LONP1: variants seen among roughly 807,000 people sequenced by gnomAD.
LONP1 encodes lon peptidase 1, mitochondrial.
LONP1 carries 31 observed loss-of-function variants against 98.5 expected under a neutral mutation model. That is an observed-to-expected ratio of 0.31 (90% CI 0.24 to 0.42). The LOEUF (loss-of-function observed/expected upper bound fraction) is 0.42. Among genes scored for constraint, LONP1 ranks in the 20% least tolerant of loss-of-function variants. The pLI, the probability that LONP1 is intolerant of heterozygous loss-of-function variation, is 1.00. For missense variants in LONP1, 1,336 were observed against 1,350.6 expected, an observed-to-expected ratio of 0.99 and a Z score of 0.17; for synonymous variants, 781 against 594.7, an observed-to-expected ratio of 1.31 and a Z score of -4.56.
chr19:5,696,903 C>T (rs897323034), intron 10 of LONP1, 146 bp from the exon 11 acceptor site: 35 of 613,418 alleles, frequency 5.7e-5, no homozygotes, highest in Non-Finnish European at 8.9e-5. Context: ...TGCTGGCAGC[C>T]GCCGGATGTG....
chr19:5,719,415 G>A (rs1183782579), intron 1 of LONP1, among the ~76,000 whole-genome samples: 1 of 152,174 alleles, frequency 6.6e-6, no homozygotes, highest in Non-Finnish European at 1.5e-5. Flanking sequence ...ACACTACTCA[G>A]GTCCCTCCCG....
intron 6 of LONP1, 21 bp downstream of exon 6, chr19:5,707,676 G>A: frequency 6.3e-7 from 1 of 1,599,446 alleles, no homozygotes; most frequent in Non-Finnish European, 8.5e-7. Context: ...GTGGGGGGCT[G>A]TGGAGGTGAC....
chr19:5,694,587 G>A (rs745757241), intron 14 of LONP1, 35 bp from the exon 15 acceptor site: 18 of 1,570,042 alleles, frequency 1.1e-5, no homozygotes, highest in Non-Finnish European at 1.4e-5. Flanking sequence ...GGCACGGGAA[G>A]GTGGGGTGAC....
Position 5,700,702 on chromosome 19 carries a change from C to T in LONP1, c.1506+87G>A, listed in dbSNP as rs925764156. The T allele has an allele frequency of 3.9e-6, 6 of 1,548,744 alleles. No individual in the cohort carries two copies. In the Admixed American group the frequency reaches 7.2e-5, roughly 19 times the overall value. ...AGGCCTACGAATTCACCAGGGGGCT[C>T]CTTTGAAATCTCAACCCACAGCACA... On this transcript the variant is annotated intron_variant, in intron 9 of 17. Coordinates refer to ENST00000360614, the MANE Select transcript of LONP1 (RefSeq NM_004793.4).
Position 5,711,132 on chromosome 19 carries a change from C to T in LONP1, c.870+639G>A, listed in dbSNP as rs1003602645. The stretch of plus-strand genomic sequence containing the variant: ...TGTGGACAGGACTTTCCACCCCTGC[C>T]AGCGCCCACAGCAGACATCACCAGT... On this transcript the variant is annotated intron_variant, in intron 4 of 17. Transcript: ENST00000360614. Among the ~76,000 whole-genome samples the T allele has an allele frequency of 3.3e-5, 5 of 152,208 alleles. No homozygotes were observed. In the South Asian group the frequency reaches 1.0e-3, roughly 32 times the overall value.
chr19:5,708,385 C>T lies in LONP1; in HGVS notation c.889G>A (p.Val297Met), dbSNP rs1599470758. 2.2e-6 allele frequency: 3 copies of T among 1,343,744 alleles called. No homozygotes were observed. Among genetic ancestry groups the T allele is most frequent in the Non-Finnish European group, 3.0e-6 (3 of 1,001,686 alleles). 83.2% of individuals were successfully genotyped at this position (1,343,744 alleles called of 1,614,324 possible). A position where few individuals can be genotyped will look rare whatever the true frequency, so the allele number is the denominator to read the frequency against. Residue 297 changes from valine (V) to methionine (M), a missense_variant, in exon 5 of 18, where the codon GTG becomes ATG. By Grantham distance (21) the Val-to-Met change is conservative. Around this residue, in one of 5 missense-constraint regions of LONP1, gnomAD observed 97 missense variants for 139.0 expected, o/e 0.70. Transcript: ENST00000360614. Reference sequence around the variant, plus strand: ...GCAATGATGTCCCGGATGGTCTTCACGATCTCTGCAGTCAGGGCCTGCCAA... The same window carrying T: ...GCAATGATGTCCCGGATGGTCTTCATGATCTCTGCAGTCAGGGCCTGCCAA... ...EEVKALTAEI[V>M]KTIRDIIALN...
At chr19:5,702,798 T>G (rs2055079022) in intron 8 of LONP1, among the ~76,000 whole-genome samples, 1 of 151,224 alleles carries the variant, frequency 6.6e-6, no homozygotes. Context: ...ATGTGCTTTG[T>G]TAAACAGATG....
intron 10 of LONP1, among the ~76,000 whole-genome samples, chr19:5,697,475 G>C (rs1319516960): frequency 1.3e-5 from 2 of 150,066 alleles, no homozygotes; most frequent in Middle Eastern, 3.4e-3. Flanking sequence ...GAAGAACAGT[G>C]AGGAGGCCAT....
rs934514687 is a variant in LONP1 at position 5,691,936 on chromosome 19, G to C, written c.*96C>G. ...GTCACTGGACCGAGCTGCTCGCTCG[G>C]TGGCTCCACTGCCAGGTCCGGGCGC... is the stretch of plus-strand genomic sequence containing the variant. On this transcript the variant is annotated 3_prime_UTR_variant, in exon 18 of 18. Coordinates refer to ENST00000360614, the MANE Select transcript of LONP1 (RefSeq NM_004793.4). 9.7e-7 allele frequency: 1 copy of C among 1,030,714 alleles called. No homozygotes were observed. Among genetic ancestry groups the C allele is most frequent in the Non-Finnish European group, 1.4e-6 (1 of 730,812 alleles). The allele number at this position is 1,030,714 out of a possible 1,614,324, so 63.8% of individuals were successfully genotyped here. A position where few individuals can be genotyped will look rare whatever the true frequency, so the allele number is the denominator to read the frequency against.
rs775655892 is a variant in LONP1, at chr19:5,707,753, C to T, written c.1006G>A (p.Ala336Thr). 13 of 1,613,242 alleles carry T rather than the reference C, an allele frequency of 8.1e-6. No homozygotes were observed. Among genetic ancestry groups the T allele is most frequent in the East Asian group, 2.2e-5 (1 of 44,886 alleles). Residue 336 changes from alanine to threonine, a missense_variant, in exon 6 of 18, where the codon GCC becomes ACC. Physicochemically the swap from Ala to Thr is moderately conservative, Grantham distance 58. Transcript: ENST00000360614. ...TGGGACTCGGCCCCGGTGAGCGCGG[C>T]GCCCATGTCGCTCAGGTAGATGGGG... ...DNPIYLSDMG[A>T]ALTGAESHEL...
chr19:5,706,803 T>C (rs1484962304), intron 7 of LONP1, among the ~76,000 whole-genome samples: 1 of 152,182 alleles, frequency 6.6e-6, no homozygotes, highest in Non-Finnish European at 1.5e-5. Flanking sequence ...CCCTTAATGT[T>C]GGACGGTCCT....
rs138529751 is a variant in LONP1 at position 5,696,748 on chromosome 19, G to A, written c.1695C>T (p.Tyr565=). 42 of 1,612,630 alleles carry A rather than the reference G, an allele frequency of 2.6e-5. No homozygotes were observed. Among genetic ancestry groups the A allele is most frequent in the East Asian group, 1.8e-4 (8 of 44,884 alleles). Residue 565 remains tyrosine, a synonymous_variant, in exon 11 of 18, where the codon TAC becomes TAT. Transcript: ENST00000360614. ...TGATCTTCCCGGGCATGGCGCCCAC[G>A]TAGGTCCGCCTGTGGGTGCACAGCG... ...VAEIKGHRRT[Y]VGAMPGKIIQ... is the part of the protein sequence containing the mutation.
chr19:5,698,985 G>C (rs1191479302), intron 10 of LONP1, 42 bp downstream of exon 10: 3 of 1,566,018 alleles, frequency 1.9e-6, no homozygotes, highest in Admixed American at 3.6e-5. Flanking sequence ...CGGCAGCACA[G>C]CTGAGGGGAG....
rs368798741 is a variant in LONP1 at position 5,713,187 on chromosome 19, A to G, written c.585T>C (p.His195=). ...IYHTGTFAQI[H]EMQDLGDKLR... The stretch of plus-strand genomic sequence containing the variant: ...GCTTGTCCCCAAGGTCCTGCATCTC[A>G]TGGATCTGGGCAAACGTCCCCGTGT... Residue 195 remains histidine (H), a synonymous_variant, in exon 3 of 18, where the codon CAT becomes CAC. Coordinates refer to ENST00000360614, the MANE Select transcript of LONP1 (RefSeq NM_004793.4). 7 of 1,612,938 alleles carry G rather than the reference A, an allele frequency of 4.3e-6. No homozygotes were observed. The highest frequency in any genetic ancestry group is 3.3e-5 in the South Asian group (3 of 91,060).
chr19:5,702,408 C>G (rs1405315461), intron 8 of LONP1, among the ~76,000 whole-genome samples: 1 of 148,594 alleles, frequency 6.7e-6, no homozygotes, highest in Non-Finnish European at 1.5e-5. Context: ...TGAGGGGCGC[C>G]TCTGCCCGGC....
intron 2 of LONP1, among the ~76,000 whole-genome samples, chr19:5,713,505 T>A (rs1461945072): frequency 6.6e-6 from 1 of 152,178 alleles, no homozygotes; most frequent in Non-Finnish European, 1.5e-5. Flanking sequence ...ATGGTCCAGG[T>A]GGGACTTTGA....
rs138972974 is a variant in LONP1, at chr19:5,707,625, G to A, written c.1062+72C>T. ...GAGCTGAGGAGGAACGGGGGCAGCC[G>A]GGCGTGGGCGGAGCATAGTGGAGGT... is the stretch of plus-strand genomic sequence containing the variant. On this transcript the variant is annotated intron_variant, in intron 6 of 17. Coordinates refer to ENST00000360614, the MANE Select transcript of LONP1 (RefSeq NM_004793.4). 15,595 of 1,539,064 alleles carry A rather than the reference G, an allele frequency of 0.01. 111 individuals carry two copies. Among genetic ancestry groups the A allele is most frequent in the Non-Finnish European group, 0.011 (12,840 of 1,131,694 alleles).
rs369403265 is a variant in LONP1, at chr19:5,696,236, A to C, written c.1896+13T>G. 6.2e-7 allele frequency: 1 copy of C among 1,613,002 alleles called. No homozygotes were observed. Among genetic ancestry groups the C allele is most frequent in the Non-Finnish European group, 8.5e-7 (1 of 1,179,768 alleles). ...CCTCCCCAGCAAGCCCAGGCCCCAGACAGGCCCCCCACCTTGGACAAGTCC... is the reference window on the plus strand; with the variant it reads ...CCTCCCCAGCAAGCCCAGGCCCCAGCCAGGCCCCCCACCTTGGACAAGTCC... On this transcript the variant is annotated intron_variant, in intron 12 of 17. Transcript: ENST00000360614.
chr19:5,706,047 G>T, intron 7 of LONP1, 55 bp from the exon 8 acceptor site: 3 of 1,256,966 alleles, frequency 2.4e-6, no homozygotes, highest in Non-Finnish European at 2.3e-6. Context: ...GGGTGGGTGG[G>T]TGCGTCCCCA....
Sources: allele counts gnomAD v4.1 joint callset (sites outside exome capture counted in the v4.1 genomes callset), GRCh38; gene constraint gnomAD v4.1.1; regional missense constraint gnomAD v4.1.1; transcripts MANE v1.5; gene names NCBI Gene and HGNC (gene_info 2026-07-23, HGNC 2026-07-21).